SLC5A11: variants seen among roughly 807,000 people sequenced by gnomAD.
SLC5A11 encodes solute carrier family 5 member 11.
Under a neutral mutation model 69.8 loss-of-function variants are expected in SLC5A11, and 48 were observed. That is an observed-to-expected ratio of 0.69 (90% CI 0.55 to 0.87). The LOEUF (loss-of-function observed/expected upper bound fraction) is 0.87, where lower values mean the gene tolerates loss of function less well. Among genes scored for constraint, SLC5A11 ranks in the 40% least tolerant of loss-of-function variants. The probability of loss-of-function intolerance (pLI) is 0.00; values close to 1 mark genes in which losing one functional copy is unlikely to be tolerated. For missense variants in SLC5A11, 784 were observed against 866.1 expected (o/e 0.91, Z 1.19); for synonymous variants, 319 against 342.4 (o/e 0.93, Z 0.75).
At chr16:24,904,425 C>T (rs1394945809) in intron 10 of SLC5A11, among the ~76,000 whole-genome samples, 2 of 152,132 alleles carry the variant, frequency 1.3e-5, no homozygotes, top group African/African-American at 4.8e-5. Context: ...TATGTTTTGT[C>T]TTTTTGATGA....
chr16:24,849,572 C>CAAAAAAAAAAAAAAAAAA (rs1182615959), intron 1 of SLC5A11, among the ~76,000 whole-genome samples: 3 of 38,480 alleles, frequency 7.8e-5, no homozygotes, highest in Non-Finnish European at 1.3e-4. Flanking sequence ...GCCTTGGGGG[C>CAAAAAAAAAAAAAAAAAA]AAAAAAAAAA....
Position 24,910,441 on chromosome 16 carries a change from G to T in SLC5A11, c.1786G>T (p.Glu596Ter). The change falls in exon 15 of 16, where the codon GAG becomes TAG. Residue 596 changes from glutamate to a stop codon, truncating the protein, a stop_gained. Transcript: ENST00000347898. LOFTEE classifies it low-confidence loss of function (END_TRUNC). ...CAGCAGCAGCAGCAGCGTCCAGTTC[G>T]AGATGGTTCAAGAAAACACGTCTAA... The T allele has an allele frequency of 1.2e-6, 2 of 1,614,066 alleles. No individual in the cohort carries two copies. Among genetic ancestry groups the T allele is most frequent in the East Asian group, 2.2e-5 (1 of 44,880 alleles).
intron 4 of SLC5A11, among the ~76,000 whole-genome samples, chr16:24,870,781 C>CAAA (rs57742222): frequency 0.11 from 7,190 of 66,440 alleles, 615 homozygotes; most frequent in Non-Finnish European, 0.13. Context: ...CTCTGTCTCA[C>CAAA]AAAAAAAAAA....
At chr16:24,879,849 T>G (rs1322414201) in intron 7 of SLC5A11, among the ~76,000 whole-genome samples, 7 of 152,180 alleles carry the variant, frequency 4.6e-5, no homozygotes, top group Non-Finnish European at 7.3e-5. Context: ...AAGGTTATGA[T>G]TTTGTCCTTT....
chr16:24,859,630 C>G (rs1359918004), intron 2 of SLC5A11, among the ~76,000 whole-genome samples: 1 of 152,046 alleles, frequency 6.6e-6, no homozygotes, highest in Non-Finnish European at 1.5e-5. Flanking sequence ...TGCATATTTC[C>G]CTCTTTCTTA....
At chr16:24,869,314 C>G (rs116128552) in intron 3 of SLC5A11, among the ~76,000 whole-genome samples, 2 of 152,062 alleles carry the variant, frequency 1.3e-5, no homozygotes, top group African/African-American at 4.8e-5. Context: ...CCAAGGGACC[C>G]GCAGAGACGG....
chr16:24,889,972 T>C (rs274077), intron 8 of SLC5A11, among the ~76,000 whole-genome samples: 36,639 of 152,006 alleles, frequency 0.24, 4,551 homozygotes, highest in South Asian at 0.39. Flanking sequence ...AGTATTCTTC[T>C]GAGAAGCAAT....
chr16:24,888,630 C>T (rs1167331505), intron 8 of SLC5A11, among the ~76,000 whole-genome samples: 3 of 145,950 alleles, frequency 2.1e-5, no homozygotes, highest in Non-Finnish European at 4.5e-5. Context: ...ACTACAGGCT[C>T]GCGCCACCAC....
intron 1 of SLC5A11, among the ~76,000 whole-genome samples, chr16:24,850,372 A>C (rs1215959746): frequency 2.0e-5 from 3 of 152,214 alleles, no homozygotes; most frequent in Admixed American, 6.5e-5. Flanking sequence ...CTAGTCCCAG[A>C]CAGCCCTTCT....
chr16:24,854,151 G>A (rs750329753), intron 1 of SLC5A11, among the ~76,000 whole-genome samples: 5 of 152,220 alleles, frequency 3.3e-5, no homozygotes, highest in Non-Finnish European at 5.9e-5. Flanking sequence ...GGCGGGCAGG[G>A]ACAGGGAGGA....
intron 10 of SLC5A11, 78 bp downstream of exon 11, chr16:24,898,187 A>G: frequency 6.6e-7 from 1 of 1,519,702 alleles, no homozygotes; most frequent in Middle Eastern, 1.9e-4. Context: ...ATATTATTAG[A>G]AGCCTCAAGA....
chr16:24,846,697 T>C (rs1289801411), intron 1 of SLC5A11: 1 of 152,296 alleles, frequency 6.6e-6, no homozygotes. Context: ...GTCAGGGACA[T>C]TGAGCCAAAC....
chr16:24,877,849 T>G (rs976738019), intron 7 of SLC5A11, among the ~76,000 whole-genome samples: 3 of 152,218 alleles, frequency 2.0e-5, no homozygotes, highest in African/African-American at 7.2e-5. Flanking sequence ...CCAGGCATGA[T>G]GGCCCGTGCC....
intron 13 of SLC5A11, 106 bp downstream of exon 14, chr16:24,908,237 G>T (rs1022977319): frequency 6.9e-6 from 9 of 1,302,586 alleles, no homozygotes; most frequent in Non-Finnish European, 9.5e-6. Flanking sequence ...CTGGAATTGG[G>T]TGTTGAGAGG....
chr16:24,901,114 T>C (rs966673984), intron 10 of SLC5A11, among the ~76,000 whole-genome samples: 10 of 152,192 alleles, frequency 6.6e-5, no homozygotes, highest in Non-Finnish European at 1.5e-4. Context: ...AGCCATTTAA[T>C]GTCTCTTTGC....
chr16:24,862,958 T>C lies in SLC5A11; in HGVS notation c.207+286T>C, dbSNP rs11641477. On this transcript the variant is annotated intron_variant, in intron 3 of 15. Transcript: ENST00000347898. ...TTATATAAAATATATAACATATAAT[T>C]ATATATTATATAATATATAATTATA... 8.7e-5 allele frequency among the ~76,000 whole-genome samples: 12 copies of C among 138,292 alleles called. No homozygotes were observed. The East Asian group carries it at 2.0e-3, about 23-fold the overall frequency. The allele number at this position is 138,292 out of a possible 152,430, so 90.7% of individuals were successfully genotyped here. A position where few individuals can be genotyped will look rare whatever the true frequency, so the allele number is the denominator to read the frequency against.
intron 1 of SLC5A11, among the ~76,000 whole-genome samples, chr16:24,847,361 CTTCCTTCT>C (rs2059073652): frequency 1.4e-5 from 2 of 141,118 alleles, no homozygotes; most frequent in Admixed American, 1.5e-4. Flanking sequence ...TCCCTTTCTC[CTTCCTTCT>C]TTCCTTCTTT....
intron 10 of SLC5A11, among the ~76,000 whole-genome samples, chr16:24,902,786 A>C (rs768699761): frequency 2.6e-5 from 4 of 152,118 alleles, no homozygotes; most frequent in Non-Finnish European, 4.4e-5. Context: ...TGATCTGCCC[A>C]TCTCGGCCTC....
intron 8 of SLC5A11, among the ~76,000 whole-genome samples, chr16:24,889,108 T>C (rs905939858): frequency 6.6e-6 from 1 of 152,156 alleles, no homozygotes; most frequent in Non-Finnish European, 1.5e-5. Flanking sequence ...AATATCTATT[T>C]CTTTGAAAAG....
Sources: gnomAD v4.1 joint callset for allele counts (sites outside exome capture counted in the v4.1 genomes callset) on GRCh38, gnomAD v4.1.1 for gene constraint, MANE v1.5 for transcripts, NCBI Gene and HGNC (gene_info 2026-07-23, HGNC 2026-07-21) for gene names.